The following GUCY1A2 variants were observed in gnomAD, a reference collection of about 807,000 sequenced individuals.
The protein encoded by GUCY1A2 is guanylate cyclase 1 soluble subunit alpha 2.
In GUCY1A2, 27 loss-of-function variants were observed where a neutral mutation model predicts 63.5. The observed-to-expected ratio is 0.43, with a 90% confidence interval of 0.31 to 0.59. The LOEUF (loss-of-function observed/expected upper bound fraction) is 0.59. GUCY1A2 is among the 20% of genes least tolerant of loss of function. The probability of loss-of-function intolerance (pLI) is 0.11; values close to 1 mark genes in which losing one functional copy is unlikely to be tolerated. For missense variants in GUCY1A2, 768 were observed against 913.3 expected (o/e 0.84, Z 2.05); for synonymous variants, 364 against 343.5 (o/e 1.06, Z -0.66).
rs184245485 is a variant in GUCY1A2, at chr11:106,754,811, A to G, written c.1836+21628T>C. 6.1e-3 allele frequency among the ~76,000 whole-genome samples: 934 copies of G among 152,284 alleles called. 9 individuals are homozygous for G. The highest frequency in any genetic ancestry group is 7.3e-3 in the Non-Finnish European group (496 of 68,014). On this transcript the variant is annotated intron_variant, in intron 6 of 7. Transcript: ENST00000526355. ...TGTTCATCAGGGATATTGGCCTAACATTCTCTTTTTTTGTTGTGTCTCTGC... is the reference window on the plus strand; with the variant it reads ...TGTTCATCAGGGATATTGGCCTAACGTTCTCTTTTTTTGTTGTGTCTCTGC...
intron 1 of GUCY1A2, among the ~76,000 whole-genome samples, chr11:107,012,000 T>A (rs1337745089): frequency 6.6e-6 from 1 of 152,128 alleles, no homozygotes; most frequent in Non-Finnish European, 1.5e-5. Flanking sequence ...CACCTACAAT[T>A]TTTCTAATTT....
At position 106,675,081 on chromosome 11, in the gene GUCY1A2, A is replaced by G; in HGVS notation, c.*12468T>C. On this transcript the variant is annotated 3_prime_UTR_variant, in exon 8 of 8. Coordinates refer to ENST00000526355, the MANE Select transcript of GUCY1A2 (RefSeq NM_000855.3). ...CTTTGGTTTTGTAAAATGGCTACTC[A>G]TGATTGAAGAGTCAGAATTCAGGTA... 1 of 213,098 alleles carries G rather than the reference A, an allele frequency of 4.7e-6. No individual in the cohort carries two copies. Among genetic ancestry groups the G allele is most frequent in the Non-Finnish European group, 9.5e-6 (1 of 105,354 alleles). 13.2% of individuals were successfully genotyped at this position (213,098 alleles called of 1,614,324 possible). A position where few individuals can be genotyped will look rare whatever the true frequency, so the allele number is the denominator to read the frequency against.
At chr11:106,946,405 T>C (rs1285692116) in intron 3 of GUCY1A2, among the ~76,000 whole-genome samples, 1 of 152,078 alleles carries the variant, frequency 6.6e-6, no homozygotes, top group Non-Finnish European at 1.5e-5. Flanking sequence ...GAAAATCATA[T>C]AGCTCACGGA....
intron 4 of GUCY1A2, among the ~76,000 whole-genome samples, chr11:106,845,279 G>A (rs61902972): frequency 1.3e-3 from 202 of 149,968 alleles, no homozygotes; most frequent in African/African-American, 4.5e-3. Flanking sequence ...CCCTGCGGCC[G>A]ATTAAAAAAA....
chr11:106,852,358 G>C (rs1208771215), intron 4 of GUCY1A2, among the ~76,000 whole-genome samples: 1 of 152,046 alleles, frequency 6.6e-6, no homozygotes. Context: ...TTGAATAAGA[G>C]TGGTGAAAGC....
chr11:106,873,317 T>C (rs767289418), intron 4 of GUCY1A2, among the ~76,000 whole-genome samples: 8 of 152,222 alleles, frequency 5.3e-5, no homozygotes, highest in Non-Finnish European at 1.0e-4. Flanking sequence ...ATGGTACTTC[T>C]GGTTCTAGAT....
intron 2 of GUCY1A2, among the ~76,000 whole-genome samples, chr11:106,982,023 G>A (rs1456508699): frequency 6.6e-6 from 1 of 152,004 alleles, no homozygotes; most frequent in East Asian, 1.9e-4. Flanking sequence ...GTGATTATAT[G>A]ACTTCATACA....
At chr11:106,970,725 AC>A (rs1354851961) in intron 3 of GUCY1A2, among the ~76,000 whole-genome samples, 1 of 152,192 alleles carries the variant, frequency 6.6e-6, no homozygotes, top group Admixed American at 6.6e-5. Context: ...CTAAGTATTT[AC>A]CTAACTGATT....
chr11:106,843,852 C>T (rs963309637), intron 4 of GUCY1A2, among the ~76,000 whole-genome samples: 11 of 151,840 alleles, frequency 7.2e-5, no homozygotes, highest in Middle Eastern at 3.4e-3. Flanking sequence ...CACATTACTT[C>T]GAAAATTGTG....
At chr11:106,753,555 A>T (rs1863920211) in intron 6 of GUCY1A2, among the ~76,000 whole-genome samples, 1 of 152,236 alleles carries the variant, frequency 6.6e-6, no homozygotes, top group African/African-American at 2.4e-5. Context: ...GGTGTAAGGA[A>T]GGGATCCAGT....
intron 6 of GUCY1A2, among the ~76,000 whole-genome samples, chr11:106,738,080 T>A (rs1863622719): frequency 6.6e-6 from 1 of 152,224 alleles, no homozygotes; most frequent in Non-Finnish European, 1.5e-5. Context: ...TTTTTAATAA[T>A]CACCATTCTA....
chr11:106,790,833 C>G (rs901766114), intron 5 of GUCY1A2, among the ~76,000 whole-genome samples: 4 of 152,162 alleles, frequency 2.6e-5, no homozygotes, highest in African/African-American at 9.7e-5. Flanking sequence ...CCCTATCCTA[C>G]TGTGGCTGAG....
At chr11:106,871,591 A>G (rs1016804247) in intron 4 of GUCY1A2, among the ~76,000 whole-genome samples, 1 of 152,172 alleles carries the variant, frequency 6.6e-6, no homozygotes, top group African/African-American at 2.4e-5. Flanking sequence ...CAAGGATACC[A>G]GTTATATTGT....
intron 3 of GUCY1A2, among the ~76,000 whole-genome samples, chr11:106,969,651 G>A (rs1482740171): frequency 6.6e-6 from 1 of 152,158 alleles, no homozygotes; most frequent in Admixed American, 6.5e-5. Context: ...AATAAGCTAT[G>A]AGTTTGACAT....
intron 5 of GUCY1A2, among the ~76,000 whole-genome samples, chr11:106,793,043 A>G (rs1385154300): frequency 6.6e-6 from 1 of 152,194 alleles, no homozygotes; most frequent in Non-Finnish European, 1.5e-5. Context: ...CCTAAAATTC[A>G]TATATAACTA....
At chr11:106,797,008 G>A (rs11211914) in intron 5 of GUCY1A2, among the ~76,000 whole-genome samples, 29,613 of 151,572 alleles carry the variant, frequency 0.2, 3,317 homozygotes, top group East Asian at 0.28. Flanking sequence ...TTCTCTTCTC[G>A]CTTCATTTCA....
chr11:106,934,289 T>C (rs1315787056), intron 4 of GUCY1A2, among the ~76,000 whole-genome samples: 1 of 152,182 alleles, frequency 6.6e-6, no homozygotes, highest in African/African-American at 2.4e-5. Context: ...GAGAAAGCTC[T>C]AATGTCAGGT....
intron 5 of GUCY1A2, among the ~76,000 whole-genome samples, chr11:106,801,843 T>A (rs1858607936): frequency 6.6e-6 from 1 of 152,076 alleles, no homozygotes; most frequent in Non-Finnish European, 1.5e-5. Context: ...AAATACATAC[T>A]CCTACTATGT....
intron 4 of GUCY1A2, among the ~76,000 whole-genome samples, chr11:106,840,193 T>C (rs1249677105): frequency 6.6e-6 from 1 of 151,944 alleles, no homozygotes; most frequent in African/African-American, 2.4e-5. Context: ...ATATTGTTAT[T>C]GGAAGAAAAG....
Sources: allele counts gnomAD v4.1 joint callset (sites outside exome capture counted in the v4.1 genomes callset), GRCh38; gene constraint gnomAD v4.1.1; transcripts MANE v1.5; gene names NCBI Gene and HGNC (gene_info 2026-07-23, HGNC 2026-07-21).